Variants in PCDH15 observed in about 807,000 individuals in gnomAD.
PCDH15 encodes the protein protocadherin-15.
Under a neutral mutation model 178.5 loss-of-function variants are expected in PCDH15, and 129 were observed. The observed-to-expected ratio is 0.72, with a 90% confidence interval of 0.63 to 0.84. The LOEUF (loss-of-function observed/expected upper bound fraction) is 0.84, where lower values mean the gene tolerates loss of function less well. Ranked by LOEUF, PCDH15 falls within the 40% of genes least tolerant of loss-of-function variation. The pLI, the probability that PCDH15 is intolerant of heterozygous loss-of-function variation, is 0.00. For synonymous variants in PCDH15, 800 were observed against 732.0 expected, an observed-to-expected ratio of 1.09 and a Z score of -1.50; for missense variants, 2,230 against 2,099.9, an observed-to-expected ratio of 1.06 and a Z score of -1.21.
chr10:55,238,311 G>A (rs1841448028), intron 1 of PCDH15, among the ~76,000 whole-genome samples: 3 of 151,632 alleles, frequency 2.0e-5, no homozygotes, highest in Non-Finnish European at 2.9e-5. Flanking sequence ...TACCACGCCC[G>A]GCTAATTTTC....
In PCDH15 at chr10:54,565,970, G is replaced by C. The variant is rs1590151587; in HGVS notation, c.92-38093C>G. 3.9e-5 allele frequency among the ~76,000 whole-genome samples: 6 copies of C among 152,248 alleles called. 1 individual carries two copies. The highest frequency in any genetic ancestry group is 3.9e-4 in the Admixed American group (6 of 15,282). On this transcript the variant is annotated intron_variant, in intron 2 of 37. Coordinates refer to ENST00000644397, the MANE Select transcript of PCDH15 (RefSeq NM_001384140.1). ...GTGGTGATGCATGCCTGTAATCCCA[G>C]CTACTTGGGAGGCTGAGGCAGTAGA...
At chr10:55,249,843 T>C (rs1041187466) in intron 1 of PCDH15, among the ~76,000 whole-genome samples, 3 of 152,000 alleles carry the variant, frequency 2.0e-5, no homozygotes. Flanking sequence ...TCATGTTTTT[T>C]CTGGTTTATT....
chr10:54,157,990 T>C (rs2045327972), intron 13 of PCDH15, among the ~76,000 whole-genome samples: 3 of 152,220 alleles, frequency 2.0e-5, no homozygotes, highest in Non-Finnish European at 4.4e-5. Flanking sequence ...GACTTTATTG[T>C]CCACATCACT....
intron 1 of PCDH15, among the ~76,000 whole-genome samples, chr10:55,220,390 T>C (rs1476769835): frequency 1.3e-5 from 2 of 152,074 alleles, no homozygotes; most frequent in Non-Finnish European, 2.9e-5. Flanking sequence ...AAAAAATAGC[T>C]AATTGCCCTA....
intron 20 of PCDH15, among the ~76,000 whole-genome samples, chr10:53,996,033 G>A (rs1171867069): frequency 6.6e-6 from 1 of 152,108 alleles, no homozygotes; most frequent in Non-Finnish European, 1.5e-5. Flanking sequence ...GGAGACTGAA[G>A]TGACCCTGGA....
chr10:55,251,750 T>C (rs1231303652), intron 1 of PCDH15, among the ~76,000 whole-genome samples: 1 of 152,214 alleles, frequency 6.6e-6, no homozygotes, highest in African/African-American at 2.4e-5. Context: ...TTTTAAAAAG[T>C]TATTTTTGTC....
At chr10:55,239,263 C>A (rs1399300174) in intron 1 of PCDH15, among the ~76,000 whole-genome samples, 2 of 152,108 alleles carry the variant, frequency 1.3e-5, no homozygotes, top group Non-Finnish European at 2.9e-5. Flanking sequence ...ATCTGTTCAA[C>A]CATTGATGGA....
chr10:54,246,838 A>C (rs1341114104), intron 8 of PCDH15, among the ~76,000 whole-genome samples: 2 of 152,048 alleles, frequency 1.3e-5, no homozygotes, highest in East Asian at 3.9e-4. Flanking sequence ...GTCTCTTAAG[A>C]TTTTAGCAAA....
intron 11 of PCDH15, among the ~76,000 whole-genome samples, chr10:54,188,547 GTATGA>G (rs1828384342): frequency 6.6e-6 from 1 of 151,746 alleles, no homozygotes; most frequent in South Asian, 2.1e-4. Flanking sequence ...TATACCAAAA[GTATGA>G]TATATTAATT....
chr10:55,343,643 C>T (rs1844664665), intron 2 of PCDH15, among the ~76,000 whole-genome samples: 1 of 151,352 alleles, frequency 6.6e-6, no homozygotes, highest in Non-Finnish European at 1.5e-5. Flanking sequence ...AAATCACATG[C>T]CTAAGGTCTT....
At chr10:53,891,126 T>G (rs1318390776) in intron 26 of PCDH15, among the ~76,000 whole-genome samples, 2 of 135,074 alleles carry the variant, frequency 1.5e-5, no homozygotes, top group Non-Finnish European at 3.2e-5. Flanking sequence ...AGATCTCCTG[T>G]GTCAGGTCAG....
intron 2 of PCDH15, among the ~76,000 whole-genome samples, chr10:55,447,969 A>G (rs751636144): frequency 3.3e-5 from 5 of 151,952 alleles, no homozygotes; most frequent in Admixed American, 6.6e-5. Flanking sequence ...AGGAAGAGCT[A>G]GGATAAAACT....
At chr10:54,454,867 G>C (rs983985479) in intron 3 of PCDH15, among the ~76,000 whole-genome samples, 3 of 152,060 alleles carry the variant, frequency 2.0e-5, no homozygotes, top group African/African-American at 4.8e-5. Context: ...TTATAACTTT[G>C]ATAAGGTTTG....
chr10:54,345,800 T>TAAA, intron 6 of PCDH15, among the ~76,000 whole-genome samples: 1 of 22,160 alleles, frequency 4.5e-5, no homozygotes, highest in Non-Finnish European at 7.4e-5. Context: ...AGACTCCGTC[T>TAAA]CAAAAAAAAA....
intron 2 of PCDH15, among the ~76,000 whole-genome samples, chr10:55,547,735 T>G (rs1197365486): frequency 6.6e-6 from 1 of 152,054 alleles, no homozygotes. Flanking sequence ...ATGGAATTTT[T>G]GAAGCTAGGC....
intron 1 of PCDH15, among the ~76,000 whole-genome samples, chr10:54,670,225 T>C (rs1319095440): frequency 2.0e-5 from 3 of 152,152 alleles, no homozygotes; most frequent in African/African-American, 7.2e-5. Context: ...TTACAAGGTC[T>C]TTCATTTCAG....
intron 2 of PCDH15, among the ~76,000 whole-genome samples, chr10:54,904,887 A>G (rs972061618): frequency 6.6e-6 from 1 of 151,616 alleles, no homozygotes; most frequent in Non-Finnish European, 1.5e-5. Context: ...ATAAATTAAA[A>G]AAAACAAAAA....
chr10:54,825,342 A>G (rs1375895580), intron 3 of PCDH15, among the ~76,000 whole-genome samples: 1 of 148,114 alleles, frequency 6.8e-6, no homozygotes, highest in Non-Finnish European at 1.5e-5. Flanking sequence ...ATACGTGTGC[A>G]TGTGTCTTTA....
chr10:53,978,720 C>T (rs1433972026), intron 21 of PCDH15, among the ~76,000 whole-genome samples: 6 of 149,022 alleles, frequency 4.0e-5, no homozygotes, highest in African/African-American at 1.5e-4. Flanking sequence ...TTATACTCTG[C>T]TTCCTTTTGA....
Sources: gnomAD v4.1 joint callset for allele counts (sites outside exome capture counted in the v4.1 genomes callset) on GRCh38, gnomAD v4.1.1 for gene constraint, MANE v1.5 for transcripts, NCBI Gene and HGNC (gene_info 2026-07-23, HGNC 2026-07-21) for gene names.